The following SPIN1 variants were observed in gnomAD, a reference collection of about 807,000 sequenced individuals.
SPIN1 encodes spindlin-1.
A neutral mutation model predicts 26.0 loss-of-function variants in SPIN1; 3 were observed. The ratio of observed to expected loss-of-function variants is 0.12; its 90% CI spans 0.05 to 0.30. The LOEUF is 0.30. Ranked by LOEUF, SPIN1 falls within the 10% of genes least tolerant of loss-of-function variation. SPIN1 has a pLI of 1.00. For missense variants in SPIN1, 126 were observed against 333.4 expected, an observed-to-expected ratio of 0.38 and a Z score of 4.84; for synonymous variants, 101 against 116.5, an observed-to-expected ratio of 0.87 and a Z score of 0.86.
intron 2 of SPIN1, among the ~76,000 whole-genome samples, chr9:88,439,594 C>A (rs1828077617): frequency 6.6e-6 from 1 of 152,216 alleles, no homozygotes; most frequent in Non-Finnish European, 1.5e-5. Flanking sequence ...ACTCGACCTT[C>A]AGTGGAGTTA....
At chr9:88,449,513 C>T (rs376756533) in intron 3 of SPIN1, among the ~76,000 whole-genome samples, 50 of 152,238 alleles carry the variant, frequency 3.3e-4, no homozygotes, top group Non-Finnish European at 3.5e-4. Context: ...TAGCCATCTA[C>T]GTAAACTGAC....
At chr9:88,469,193 G>C (rs866133099) in intron 5 of SPIN1, among the ~76,000 whole-genome samples, 1 of 152,170 alleles carries the variant, frequency 6.6e-6, no homozygotes, top group African/African-American at 2.4e-5. Context: ...CTTCACATGC[G>C]TAGTTCACAA....
rs532273387 is a variant in SPIN1, at chr9:88,396,612, A to G, written c.-159+8074A>G. ...GTGAGACTCCGTCTCAGAAAACAAA[A>G]CAGAAAAACTCTAAATGGCTTTCCA... On this transcript the variant is annotated intron_variant, in intron 1 of 5. Transcript: ENST00000375859. 9.9e-5 allele frequency among the ~76,000 whole-genome samples: 15 copies of G among 152,214 alleles called. No homozygotes were observed. In the East Asian group the frequency reaches 2.3e-3, roughly 23 times the overall value.
At chr9:88,437,158 A>G (rs980877642) in intron 2 of SPIN1, among the ~76,000 whole-genome samples, 8 of 151,990 alleles carry the variant, frequency 5.3e-5, no homozygotes, top group Non-Finnish European at 1.0e-4. Context: ...CCATTCACCT[A>G]TTGAAGAAAC....
chr9:88,424,500 C>T (rs906259061), intron 1 of SPIN1, among the ~76,000 whole-genome samples: 1 of 152,106 alleles, frequency 6.6e-6, no homozygotes, highest in African/African-American at 2.4e-5. Context: ...GAATAATAAT[C>T]ATCGTGATGT....
chr9:88,423,579 C>T (rs1484035643), intron 1 of SPIN1, among the ~76,000 whole-genome samples: 2 of 151,390 alleles, frequency 1.3e-5, no homozygotes. Flanking sequence ...GCTGGGATTA[C>T]AGGTATGCAC....
intron 5 of SPIN1, among the ~76,000 whole-genome samples, chr9:88,471,028 G>A (rs1228264733): frequency 6.6e-6 from 1 of 152,024 alleles, no homozygotes; most frequent in Non-Finnish European, 1.5e-5. Context: ...GATATATGTT[G>A]CAAATGTTTT....
intron 2 of SPIN1, among the ~76,000 whole-genome samples, chr9:88,435,777 C>G (rs1044438418): frequency 6.6e-5 from 10 of 152,132 alleles, no homozygotes; most frequent in Non-Finnish European, 1.5e-4. Context: ...AACAGCCTTT[C>G]TTGAGTCCCT....
At chr9:88,445,702 T>C (rs1304359494) in intron 2 of SPIN1, among the ~76,000 whole-genome samples, 4 of 151,690 alleles carry the variant, frequency 2.6e-5, no homozygotes, top group Admixed American at 2.6e-4. Context: ...AGCTTTTTTT[T>C]TTCCCCCCGT....
intron 1 of SPIN1, among the ~76,000 whole-genome samples, chr9:88,398,005 T>G (rs1030615303): frequency 6.6e-6 from 1 of 151,230 alleles, no homozygotes; most frequent in Non-Finnish European, 1.5e-5. Flanking sequence ...CATTGCAGCC[T>G]CGACCTTCCC....
chr9:88,471,966 C>CT (rs891994397), intron 5 of SPIN1, among the ~76,000 whole-genome samples: 1 of 151,798 alleles, frequency 6.6e-6, no homozygotes, highest in African/African-American at 2.4e-5. Context: ...ATTGGGCTAA[C>CT]TTTCGTATTT....
At chr9:88,420,390 G>GAAACAA (rs1235467871) in intron 1 of SPIN1, among the ~76,000 whole-genome samples, 1 of 152,096 alleles carries the variant, frequency 6.6e-6, no homozygotes, top group Non-Finnish European at 1.5e-5. Context: ...AAACGAAACA[G>GAAACAA]AAACAAAACA....
intron 2 of SPIN1, among the ~76,000 whole-genome samples, chr9:88,428,175 C>T (rs910444890): frequency 2.0e-5 from 3 of 152,100 alleles, no homozygotes; most frequent in Non-Finnish European, 4.4e-5. Flanking sequence ...ATGCATTCTT[C>T]TTTTAAATTT....
At chr9:88,465,686 G>A (rs1828654081) in intron 4 of SPIN1, among the ~76,000 whole-genome samples, 1 of 152,108 alleles carries the variant, frequency 6.6e-6, no homozygotes, top group Non-Finnish European at 1.5e-5. Context: ...ATATGTTCTG[G>A]AGACATGAGT....
intron 1 of SPIN1, among the ~76,000 whole-genome samples, chr9:88,425,673 C>CAAAA (rs370111864): frequency 2.0e-5 from 2 of 99,260 alleles, no homozygotes; most frequent in Non-Finnish European, 4.3e-5. Context: ...GACTCTGTCT[C>CAAAA]AAAAAAAAAA....
intron 1 of SPIN1, among the ~76,000 whole-genome samples, chr9:88,392,280 C>T (rs1826939991): frequency 6.6e-6 from 1 of 152,152 alleles, no homozygotes; most frequent in African/African-American, 2.4e-5. Flanking sequence ...GGAGCCTGTT[C>T]ATGACCTTAA....
chr9:88,393,948 A>G lies in SPIN1; in HGVS notation c.-159+5410A>G, dbSNP rs1402268290. The stretch of plus-strand genomic sequence containing the variant: ...CTACAACCTCCGCCTCCCGGGTTCA[A>G]GCTATTCTCCTGGCTCAGCCTCCCA... On this transcript the variant is annotated intron_variant, in intron 1 of 5. Transcript: ENST00000375859. Among the ~76,000 whole-genome samples, 3 of 151,970 alleles carry G rather than the reference A, an allele frequency of 2.0e-5. 1 individual carries two copies. The highest frequency in any genetic ancestry group is 4.2e-4 in the South Asian group (2 of 4,816).
chr9:88,435,773 C>T (rs1827987985), intron 2 of SPIN1, among the ~76,000 whole-genome samples: 1 of 152,108 alleles, frequency 6.6e-6, no homozygotes, highest in African/African-American at 2.4e-5. Flanking sequence ...TGGAAACAGC[C>T]TTTCTTGAGT....
intron 1 of SPIN1, among the ~76,000 whole-genome samples, chr9:88,411,792 G>C (rs1473284018): frequency 6.6e-6 from 1 of 152,074 alleles, no homozygotes; most frequent in African/African-American, 2.4e-5. Flanking sequence ...TGGGATTACA[G>C]GTGTGAACCA....
Sources: gnomAD v4.1 joint callset for allele counts (sites outside exome capture counted in the v4.1 genomes callset) on GRCh38, gnomAD v4.1.1 for gene constraint, MANE v1.5 for transcripts, NCBI Gene and HGNC (gene_info 2026-07-23, HGNC 2026-07-21) for gene names.